Variants in WDR88 observed in about 807,000 individuals in gnomAD.
WDR88 encodes WD repeat-containing protein 88.
WDR88 carries 40 observed loss-of-function variants against 46.8 expected under a neutral mutation model. The ratio of observed to expected loss-of-function variants is 0.86; its 90% CI spans 0.66 to 1.11. WDR88 has a LOEUF of 1.11. WDR88 is among the 50% of genes most tolerant of loss of function. The pLI, the probability that WDR88 is intolerant of heterozygous loss-of-function variation, is 0.00. For synonymous variants in WDR88, 235 were observed against 240.7 expected (o/e 0.98, Z 0.22); for missense variants, 562 against 602.4 (o/e 0.93, Z 0.70).
At chr19:33,142,531 CATGGAACAGGCAGGGAATGAGAGCAAG>C (rs1234891760) in intron 2 of WDR88, among the ~76,000 whole-genome samples, 8 of 151,786 alleles carry the variant, frequency 5.3e-5, no homozygotes, top group Non-Finnish European at 2.9e-5. Context: ...GTGGATGGGG[CATGGAACAGGCAGGGAATGAGAGCAAG>C]AAGGCTGTTG....
In WDR88 at chr19:33,142,851, C is replaced by CAAAAAAA. The variant is rs74174644; in HGVS notation, c.388-1970_388-1964dup. On this transcript the variant is annotated intron_variant, in intron 2 of 10. Transcript: ENST00000355868. ...TGAAACCCTGTCTCTACTAAAAATACAAAAAAAAAAAAAAAAAAAAAAAAA... is the reference window on the plus strand; with the variant it reads ...TGAAACCCTGTCTCTACTAAAAATACAAAAAAAAAAAAAAAAAAAAAAAAAAAAAAAA... 37 of 19,530 alleles carry CAAAAAAA rather than the reference C, an allele frequency of 1.9e-3. 3 individuals are homozygous for CAAAAAAA. Among genetic ancestry groups the CAAAAAAA allele is most frequent in the African/African-American group, 7.5e-3 (25 of 3,324 alleles). The allele number at this position is 19,530 out of a possible 1,614,324, so 1.2% of individuals were successfully genotyped here. A position where few individuals can be genotyped will look rare whatever the true frequency, so the allele number is the denominator to read the frequency against.
intron 10 of WDR88, 60 bp from the exon 11 acceptor site, chr19:33,175,335 CA>C (rs1974104643): frequency 6.5e-7 from 1 of 1,537,536 alleles, no homozygotes; most frequent in African/African-American, 1.4e-5. Context: ...ATTCTAATGG[CA>C]TGCCTGGATC....
rs766938644 is a variant in WDR88, at chr19:33,132,159, C to G, written c.-11C>G. The stretch of plus-strand genomic sequence containing the variant: ...GGCTTGTCGGCGGCCACCGGCGGAC[C>G]GGGCTTCGAGATGGCCTCCCCGCCG... On this transcript the variant is annotated 5_prime_UTR_variant, in exon 1 of 11. Coordinates refer to ENST00000355868, the MANE Select transcript of WDR88 (RefSeq NM_173479.4). 4 of 1,576,756 alleles carry G rather than the reference C, an allele frequency of 2.5e-6. No homozygotes were observed. The highest frequency in any genetic ancestry group is 3.4e-6 in the Non-Finnish European group (4 of 1,164,868).
At position 33,132,154 on chromosome 19, in the gene WDR88, C is replaced by T. The variant is rs370319718; in HGVS notation, c.-16C>T. 7 of 1,572,114 alleles carry T rather than the reference C, an allele frequency of 4.5e-6. No homozygotes were observed. In the Admixed American group the frequency reaches 5.2e-5, roughly 12 times the overall value. ...ATCCAGGCTTGTCGGCGGCCACCGG[C>T]GGACCGGGCTTCGAGATGGCCTCCC... On this transcript the variant is annotated 5_prime_UTR_variant, in exon 1 of 11. Coordinates refer to ENST00000355868, the MANE Select transcript of WDR88 (RefSeq NM_173479.4).
intron 8 of WDR88, among the ~76,000 whole-genome samples, chr19:33,161,816 T>C (rs1467298648): frequency 6.6e-6 from 1 of 151,982 alleles, no homozygotes; most frequent in Non-Finnish European, 1.5e-5. Context: ...AATACAAAAA[T>C]TAGCCAGGTG....
intron 9 of WDR88, among the ~76,000 whole-genome samples, chr19:33,165,331 G>A (rs896261628): frequency 1.3e-5 from 2 of 151,408 alleles, no homozygotes; most frequent in African/African-American, 4.9e-5. Context: ...ACTTTTCAGA[G>A]AGCCAACTTG....
chr19:33,159,156 C>G (rs1043654733), intron 7 of WDR88, among the ~76,000 whole-genome samples: 2 of 151,068 alleles, frequency 1.3e-5, no homozygotes, highest in Non-Finnish European at 2.9e-5. Flanking sequence ...CATAGTGAGA[C>G]CCCATCTCTA....
At chr19:33,133,922 G>A (rs2145355353) in intron 1 of WDR88, among the ~76,000 whole-genome samples, 2 of 152,370 alleles carry the variant, frequency 1.3e-5, no homozygotes, top group South Asian at 4.1e-4. Flanking sequence ...TCCTCAAGGT[G>A]TCCTCTGGCT....
At chr19:33,150,342 C>T (rs1239103296) in intron 5 of WDR88, among the ~76,000 whole-genome samples, 1 of 152,170 alleles carries the variant, frequency 6.6e-6, no homozygotes, top group African/African-American at 2.4e-5. Flanking sequence ...ATCCCAGCTA[C>T]TCGGGAGGCT....
At position 33,175,453 on chromosome 19, in the gene WDR88, T is replaced by C; in HGVS notation, c.1300T>C (p.Phe434Leu). The C allele has an allele frequency of 6.2e-7, 1 of 1,614,158 alleles. No homozygotes were observed. Among genetic ancestry groups the C allele is most frequent in the East Asian group, 2.2e-5 (1 of 44,880 alleles). ...IFKSDTSSEM[F>L]TQCVFCRIDT... ...CAAGAGTGACACCTCTTCTGAAATG[T>C]TCACCCAATGCGTGTTCTGCCGGAT... The change falls in exon 11 of 11, where the codon TTC becomes CTC. Residue 434 changes from phenylalanine to leucine, a missense_variant. By Grantham distance (22) the Phe-to-Leu change is conservative. Transcript: ENST00000355868.
At chr19:33,173,166 G>C (rs140642144) in intron 10 of WDR88, among the ~76,000 whole-genome samples, 73 of 148,000 alleles carry the variant, frequency 4.9e-4, no homozygotes, top group African/African-American at 1.5e-3. Flanking sequence ...TGCAGAGAGA[G>C]CCTGAGAGGC....
intron 7 of WDR88, among the ~76,000 whole-genome samples, chr19:33,157,484 C>T (rs1013519281): frequency 7.7e-5 from 11 of 142,162 alleles, no homozygotes; most frequent in Non-Finnish European, 1.5e-4. Context: ...GGTGACAGAG[C>T]GAGACTCTGT....
At chr19:33,149,219 A>C (rs1215726898) in intron 5 of WDR88, among the ~76,000 whole-genome samples, 2 of 152,108 alleles carry the variant, frequency 1.3e-5, no homozygotes, top group Non-Finnish European at 2.9e-5. Flanking sequence ...GCTGCTTGAG[A>C]GGCTGAAACG....
chr19:33,144,729 A>G (rs1973475201), intron 2 of WDR88, 115 bp from the exon 3 acceptor site: 1 of 898,846 alleles, frequency 1.1e-6, no homozygotes, highest in Non-Finnish European at 1.8e-6. Flanking sequence ...AGGACCTTGG[A>G]GTTCTCAGAT....
At chr19:33,152,633 G>C (rs1050699383) in intron 6 of WDR88, among the ~76,000 whole-genome samples, 1 of 151,824 alleles carries the variant, frequency 6.6e-6, no homozygotes, top group Non-Finnish European at 1.5e-5. Flanking sequence ...ACTTAGTCTC[G>C]CTATGTCCCC....
intron 8 of WDR88, among the ~76,000 whole-genome samples, chr19:33,161,611 C>T (rs1439552456): frequency 6.6e-6 from 1 of 152,120 alleles, no homozygotes; most frequent in African/African-American, 2.4e-5. Flanking sequence ...GGAGACAAAG[C>T]GAGTTTCCTC....
intron 10 of WDR88, among the ~76,000 whole-genome samples, chr19:33,173,015 C>A (rs1478059118): frequency 6.9e-6 from 1 of 144,868 alleles, no homozygotes; most frequent in Non-Finnish European, 1.5e-5. Flanking sequence ...TCCCTTGAAC[C>A]TGGGAGATGG....
At chr19:33,140,260 T>TC (rs1973362671) in intron 2 of WDR88, among the ~76,000 whole-genome samples, 1 of 151,958 alleles carries the variant, frequency 6.6e-6, no homozygotes, top group South Asian at 2.1e-4. Flanking sequence ...ACTCAAGCAA[T>TC]CCCCCCATCT....
chr19:33,138,778 G>T (rs1023465083), intron 2 of WDR88, among the ~76,000 whole-genome samples: 6 of 150,128 alleles, frequency 4.0e-5, no homozygotes, highest in Non-Finnish European at 7.4e-5. Flanking sequence ...CCGCCTCTGG[G>T]TTCAAGTGAT....
Sources: gnomAD v4.1 joint callset for allele counts (sites outside exome capture counted in the v4.1 genomes callset) on GRCh38, gnomAD v4.1.1 for gene constraint, MANE v1.5 for transcripts, NCBI Gene and HGNC (gene_info 2026-07-23, HGNC 2026-07-21) for gene names.